CLMN: variants seen among roughly 807,000 people sequenced by gnomAD.
The protein encoded by CLMN is calmin (calponin-like, transmembrane).
In CLMN, 57 loss-of-function variants were observed where a neutral mutation model predicts 92.7. That is an observed-to-expected ratio of 0.61 (90% CI 0.50 to 0.77). The LOEUF (loss-of-function observed/expected upper bound fraction) is 0.77. Ranked by LOEUF, CLMN falls within the 30% of genes least tolerant of loss-of-function variation. The pLI, the probability that CLMN is intolerant of heterozygous loss-of-function variation, is 0.00. For missense variants in CLMN, 1,158 were observed against 1,237.5 expected, an observed-to-expected ratio of 0.94 and a Z score of 0.96; for synonymous variants, 466 against 470.6, an observed-to-expected ratio of 0.99 and a Z score of 0.13.
intron 12 of CLMN, chr14:95,193,495 C>T: frequency 2.2e-6 from 2 of 902,488 alleles, no homozygotes; most frequent in Non-Finnish European, 3.4e-6. Context: ...AGACCACCAC[C>T]TCTTCTCCTG....
Position 95,203,480 on chromosome 14 carries a change from T to G in CLMN, c.1869A>C (p.Gln623His). ...GAGGTTCATGTTTGTCCATCTTAACTTGAGGCTCTGGCGAATCCTTCTTTT... is the reference window on the plus strand; with the variant it reads ...GAGGTTCATGTTTGTCCATCTTAACGTGAGGCTCTGGCGAATCCTTCTTTT... ...AHKKKDSPEPQVKMDKHEPHQ... is the reference protein window; with the variant it reads ...AHKKKDSPEPHVKMDKHEPHQ... The change falls in exon 9 of 13, where the codon CAA becomes CAC. Residue 623 changes from glutamine (Q) to histidine (H), a missense_variant. Coordinates refer to ENST00000298912, the MANE Select transcript of CLMN (RefSeq NM_024734.4). The G allele has an allele frequency of 6.2e-7, 1 of 1,614,206 alleles. No homozygotes were observed. The highest frequency in any genetic ancestry group is 8.5e-7 in the Non-Finnish European group (1 of 1,180,044).
chr14:95,219,465 G>T (rs573161483), intron 4 of CLMN, among the ~76,000 whole-genome samples: 1 of 152,198 alleles, frequency 6.6e-6, no homozygotes, highest in African/African-American at 2.4e-5. Flanking sequence ...TCAATCAAGG[G>T]GGGTGACGCA....
In CLMN at chr14:95,188,596, G is replaced by A. The variant is rs548987522; in HGVS notation, c.*2968C>T. On this transcript the variant is annotated 3_prime_UTR_variant, in exon 13 of 13. Transcript: ENST00000298912. Reference sequence around the variant, plus strand: ...ATTGAAATAATAGGTGGTCCAGAAAGAAAGAATGTAAATAATCACAAGAAA... The same window carrying A: ...ATTGAAATAATAGGTGGTCCAGAAAAAAAGAATGTAAATAATCACAAGAAA... The A allele has an allele frequency of 6.6e-6, 1 of 152,222 alleles. No individual in the cohort carries two copies. Among genetic ancestry groups the A allele is most frequent in the Admixed American group, 6.5e-5 (1 of 15,294 alleles). 9.4% of individuals were successfully genotyped at this position (152,222 alleles called of 1,614,324 possible).
intron 4 of CLMN, among the ~76,000 whole-genome samples, chr14:95,220,236 G>T (rs540185573): frequency 1.4e-5 from 2 of 141,272 alleles, no homozygotes; most frequent in African/African-American, 5.3e-5. Flanking sequence ...GAGTGCAGTG[G>T]CGAGATCTTA....
rs1036927389 is a variant in CLMN at position 95,194,258 on chromosome 14, G to GGT, written c.2769+276_2769+277dup. 6 of 1,386,788 alleles carry GGT rather than the reference G, an allele frequency of 4.3e-6. No individual in the cohort carries two copies. The allele number at this position is 1,386,788 out of a possible 1,614,324, so 85.9% of individuals were successfully genotyped here. ...TCTGTCTCTGAACGTGATCCTTCTG[G>GGT]GTGCGCGCGGGGTCCAGGTGAGGCG... On this transcript the variant is annotated intron_variant, in intron 11 of 12. Coordinates refer to ENST00000298912, the MANE Select transcript of CLMN (RefSeq NM_024734.4). The surrounding 1 kb of genome is among the most constrained non-coding windows in gnomAD (Gnocchi z 4.0).
rs1478471577 is a variant in CLMN, at chr14:95,190,911, A to C, written c.*653T>G. On this transcript the variant is annotated 3_prime_UTR_variant, in exon 13 of 13. Transcript: ENST00000298912. ...CTCAAACAAAAAACAAAACAAAAAAACAACAAAAAAAACAGGGTGAAAAAG... is the reference window on the plus strand; with the variant it reads ...CTCAAACAAAAAACAAAACAAAAAACCAACAAAAAAAACAGGGTGAAAAAG... 2 of 152,292 alleles carry C rather than the reference A, an allele frequency of 1.3e-5. No homozygotes were observed. The highest frequency in any genetic ancestry group is 2.9e-5 in the Non-Finnish European group (2 of 68,120). 9.4% of individuals were successfully genotyped at this position (152,292 alleles called of 1,614,324 possible).
intron 9 of CLMN, among the ~76,000 whole-genome samples, chr14:95,201,304 C>A (rs762868916): frequency 6.6e-6 from 1 of 151,622 alleles, no homozygotes; most frequent in East Asian, 1.9e-4. Context: ...CCCAAGCAGC[C>A]GTGTCAGCTT....
intron 1 of CLMN, among the ~76,000 whole-genome samples, chr14:95,252,856 G>C (rs143895737): frequency 1.3e-5 from 2 of 152,320 alleles, no homozygotes; most frequent in East Asian, 3.9e-4. Context: ...GCCCCCATGG[G>C]GAGGACACAT....
At chr14:95,237,958 T>C (rs1898112623) in intron 1 of CLMN, among the ~76,000 whole-genome samples, 1 of 152,216 alleles carries the variant, frequency 6.6e-6, no homozygotes, top group Middle Eastern at 3.2e-3. Context: ...TCCATCAGCT[T>C]GAGCGAGCCC....
At chr14:95,274,199 G>A (rs973013964) in intron 1 of CLMN, among the ~76,000 whole-genome samples, 4 of 152,024 alleles carry the variant, frequency 2.6e-5, no homozygotes, top group African/African-American at 7.3e-5. Context: ...TCTCCTGAAC[G>A]TGTTTAGCCG....
At chr14:95,290,989 G>A (rs763820184) in intron 1 of CLMN, among the ~76,000 whole-genome samples, 2 of 152,170 alleles carry the variant, frequency 1.3e-5, no homozygotes, top group African/African-American at 2.4e-5. Context: ...TGCCAGGAAC[G>A]CAGCTGCTGA....
intron 1 of CLMN, among the ~76,000 whole-genome samples, chr14:95,237,667 G>A (rs1320936955): frequency 1.3e-5 from 2 of 152,208 alleles, no homozygotes; most frequent in African/African-American, 4.8e-5. Context: ...AAGAAGCCCA[G>A]CGTCTCACAG....
intron 1 of CLMN, among the ~76,000 whole-genome samples, chr14:95,312,703 CT>C (rs1901594897): frequency 6.6e-6 from 1 of 152,154 alleles, no homozygotes; most frequent in African/African-American, 2.4e-5. Flanking sequence ...GATGTTGGGG[CT>C]TTCTTCTGGA....
At chr14:95,215,351 G>T (rs186020309) in intron 5 of CLMN, among the ~76,000 whole-genome samples, 1 of 152,236 alleles carries the variant, frequency 6.6e-6, no homozygotes, top group South Asian at 2.1e-4. Flanking sequence ...AGTATTCCCC[G>T]GTTCTTGTGA....
intron 4 of CLMN, among the ~76,000 whole-genome samples, chr14:95,216,811 T>A (rs2883051): frequency 0.069 from 10,464 of 152,278 alleles, 436 homozygotes; most frequent in South Asian, 0.14. Context: ...ACCTGACATC[T>A]GGACCAGCAG....
chr14:95,193,435 T>A, intron 12 of CLMN: 2 of 1,458,712 alleles, frequency 1.4e-6, no homozygotes, highest in East Asian at 2.5e-5. Flanking sequence ...CAACAGAGAA[T>A]GGACAGGCGT....
intron 8 of CLMN, among the ~76,000 whole-genome samples, chr14:95,208,159 T>C (rs1897096840): frequency 6.6e-6 from 1 of 152,200 alleles, no homozygotes; most frequent in African/African-American, 2.4e-5. Flanking sequence ...TGTCTGGTAC[T>C]TATAACTACC....
intron 1 of CLMN, among the ~76,000 whole-genome samples, chr14:95,257,259 C>A (rs922047283): frequency 1.3e-5 from 2 of 152,314 alleles, no homozygotes; most frequent in South Asian, 4.2e-4. Flanking sequence ...TGCTGTCAAC[C>A]GCCCGCTGCA....
intron 1 of CLMN, chr14:95,307,804 G>A (rs765335535): frequency 4.6e-5 from 7 of 152,182 alleles, no homozygotes; most frequent in Admixed American, 1.3e-4. Context: ...TTTGTAGACC[G>A]GCCTCCAGAA....
Sources: gnomAD v4.1 joint callset for allele counts (sites outside exome capture counted in the v4.1 genomes callset) on GRCh38, gnomAD v4.1.1 for gene constraint, Gnocchi (gnomAD v3.1) non-coding constraint, MANE v1.5 for transcripts, NCBI Gene and HGNC (gene_info 2026-07-23, HGNC 2026-07-21) for gene names.